DNAH3: variants seen among roughly 807,000 people sequenced by gnomAD.
DNAH3 encodes the protein axonemal beta dynein heavy chain 3.
In DNAH3, 332 loss-of-function variants were observed where a neutral mutation model predicts 432.5. The ratio of observed to expected loss-of-function variants is 0.77; its 90% CI spans 0.70 to 0.84. The LOEUF (loss-of-function observed/expected upper bound fraction) is 0.84. Among genes scored for constraint, DNAH3 ranks in the 40% least tolerant of loss-of-function variants. The pLI is 0.00. For missense variants in DNAH3, 4,861 were observed against 5,114.0 expected, an observed-to-expected ratio of 0.95 and a Z score of 1.51; for synonymous variants, 1,956 against 1,900.2, an observed-to-expected ratio of 1.03 and a Z score of -0.76.
intron 8 of DNAH3, among the ~76,000 whole-genome samples, chr16:21,126,749 T>A (rs1212000102): frequency 2.0e-5 from 3 of 152,134 alleles, no homozygotes; most frequent in Admixed American, 1.3e-4. Context: ...CATGGCTTTT[T>A]TTAACCGCCT....
chr16:20,980,538 A>G (rs945138122), intron 49 of DNAH3, among the ~76,000 whole-genome samples: 1 of 151,070 alleles, frequency 6.6e-6, no homozygotes, highest in Non-Finnish European at 1.5e-5. Flanking sequence ...ACACCCAGCT[A>G]ATCTTCTGCA....
intron 41 of DNAH3, among the ~76,000 whole-genome samples, chr16:21,013,899 T>C (rs1318111311): frequency 6.6e-6 from 1 of 152,138 alleles, no homozygotes; most frequent in Non-Finnish European, 1.5e-5. Context: ...AAGTAGATAA[T>C]TTGAATAGGC....
At chr16:21,053,480 C>T (rs1484738374) in intron 28 of DNAH3, among the ~76,000 whole-genome samples, 1 of 152,168 alleles carries the variant, frequency 6.6e-6, no homozygotes, top group Admixed American at 6.5e-5. Context: ...CCATTGTGTA[C>T]ATGTGTGCAT....
chr16:21,022,470 C>T (rs1188651714), intron 39 of DNAH3, among the ~76,000 whole-genome samples: 1 of 152,146 alleles, frequency 6.6e-6, no homozygotes, highest in Non-Finnish European at 1.5e-5. Context: ...AATTAATTTA[C>T]AAATGACTGT....
chr16:21,133,629 A>G (rs186132551), intron 7 of DNAH3, among the ~76,000 whole-genome samples: 5 of 151,834 alleles, frequency 3.3e-5, no homozygotes, highest in Non-Finnish European at 7.4e-5. Context: ...AATCCCAGCT[A>G]CTCGGGAGGT....
chr16:21,077,136 T>C (rs1021499774), intron 20 of DNAH3, among the ~76,000 whole-genome samples: 1 of 151,798 alleles, frequency 6.6e-6, no homozygotes, highest in Admixed American at 6.6e-5. Context: ...TCTTTGTTTA[T>C]GCCTTATTTG....
intron 41 of DNAH3, among the ~76,000 whole-genome samples, chr16:21,010,200 T>G (rs2087524522): frequency 6.6e-6 from 1 of 152,166 alleles, no homozygotes; most frequent in South Asian, 2.1e-4. Flanking sequence ...TTCATCAGAA[T>G]AATGGCTCCT....
intron 47 of DNAH3, among the ~76,000 whole-genome samples, chr16:20,986,809 A>G (rs180751428): frequency 4.6e-4 from 70 of 152,332 alleles, no homozygotes; most frequent in Middle Eastern, 3.4e-3. Context: ...AAATTTTTCT[A>G]TGGAGAAATC....
rs190249235 is a variant in DNAH3 at position 20,983,512 on chromosome 16, G to A, written c.7666-598C>T. On this transcript the variant is annotated intron_variant, in intron 48 of 61. Transcript: ENST00000261383. ...GTAGCCAGTGTGGCTGGAGCCCTTT[G>A]ATTGACTTGCTGTATTTGTGCTGAT... Among the ~76,000 whole-genome samples the A allele has an allele frequency of 1.1e-4, 17 of 152,214 alleles. No homozygotes were observed. The East Asian group carries it at 2.5e-3, about 23-fold the overall frequency.
At chr16:21,040,037 A>G in intron 32 of DNAH3, 94 bp from the exon 33 acceptor site, 1 of 1,016,444 alleles carries the variant, frequency 9.8e-7, no homozygotes, top group Non-Finnish European at 1.5e-6. Flanking sequence ...GCTTTGCTTC[A>G]TTCAGGCCAC....
intron 1 of DNAH3, among the ~76,000 whole-genome samples, chr16:21,153,676 G>A (rs1047725320): frequency 7.2e-5 from 11 of 152,222 alleles, no homozygotes; most frequent in South Asian, 2.1e-4. Flanking sequence ...AGCGAGACCA[G>A]AAACCCACCA....
intron 20 of DNAH3, among the ~76,000 whole-genome samples, chr16:21,075,882 C>CTCCACTCTG (rs1400487356): frequency 4.5e-5 from 6 of 134,468 alleles, no homozygotes; most frequent in Non-Finnish European, 9.2e-5. Flanking sequence ...CACCACTGCA[C>CTCCACTCTG]TCCACTCTGG....
intron 47 of DNAH3, among the ~76,000 whole-genome samples, chr16:20,986,566 G>A (rs74672159): frequency 1.3e-5 from 2 of 152,076 alleles, no homozygotes; most frequent in Non-Finnish European, 2.9e-5. Context: ...GCTTTAATCA[G>A]TCTATTTGCC....
At chr16:21,000,705 A>G (rs769447061) in intron 42 of DNAH3, among the ~76,000 whole-genome samples, 187 bp from the exon 43 acceptor site, 11 of 152,176 alleles carry the variant, frequency 7.2e-5, no homozygotes, top group Non-Finnish European at 1.5e-4. Context: ...ATGGCACCTA[A>G]TTCACAGAGC....
At chr16:20,985,755 G>A in intron 47 of DNAH3, 40 bp from the exon 48 acceptor site, 1 of 1,585,822 alleles carries the variant, frequency 6.3e-7, no homozygotes, top group Middle Eastern at 1.7e-4. Flanking sequence ...TTCAGTGAAT[G>A]GCCCAGCCAG....
chr16:20,992,939 C>T (rs558778494), intron 44 of DNAH3, among the ~76,000 whole-genome samples: 1 of 152,136 alleles, frequency 6.6e-6, no homozygotes, highest in African/African-American at 2.4e-5. Flanking sequence ...GGTCTCAGCT[C>T]ACTGCAACCT....
rs2090594062 is a variant in DNAH3, at chr16:21,067,422, G to A, written c.3382-3C>T. On this transcript the variant is annotated splice_region_variant and splice_polypyrimidine_tract_variant and intron_variant, in intron 23 of 61. Coordinates refer to ENST00000261383, the Ensembl canonical transcript of DNAH3. ...ACCAGAATCCTGTTATCTTTCACCT[G>A]GGTTCCATCAAAAAAAGTGAGACTC... 1.2e-6 allele frequency: 2 copies of A among 1,613,304 alleles called. No homozygotes were observed. Among genetic ancestry groups the A allele is most frequent in the South Asian group, 1.1e-5 (1 of 91,046 alleles).
At chr16:21,023,887 TGACA>T (rs988887999) in intron 39 of DNAH3, among the ~76,000 whole-genome samples, 1 of 151,900 alleles carries the variant, frequency 6.6e-6, no homozygotes, top group African/African-American at 2.4e-5. Context: ...ATGTAGGTGA[TGACA>T]GACATTCAGC....
chr16:21,147,611 T>A (rs1261500160), intron 1 of DNAH3, among the ~76,000 whole-genome samples: 1 of 152,204 alleles, frequency 6.6e-6, no homozygotes, highest in Non-Finnish European at 1.5e-5. Context: ...CATAAGCAAC[T>A]CTTTATGATT....
Sources: allele counts gnomAD v4.1 joint callset (sites outside exome capture counted in the v4.1 genomes callset), GRCh38; gene constraint gnomAD v4.1.1; transcripts MANE v1.5; gene names NCBI Gene and HGNC (gene_info 2026-07-23, HGNC 2026-07-21).